Variants in CNDP1 observed in about 807,000 individuals in gnomAD.
CNDP1 encodes beta-Ala-His dipeptidase.
A neutral mutation model predicts 58.1 loss-of-function variants in CNDP1; 44 were observed. The observed-to-expected ratio is 0.76, with a 90% CI of 0.60 to 0.97. CNDP1 has a LOEUF of 0.97. Among genes scored for constraint, CNDP1 ranks in the 50% least tolerant of loss-of-function variants. The probability of loss-of-function intolerance (pLI) is 0.00; values close to 1 mark genes in which losing one functional copy is unlikely to be tolerated. For synonymous variants in CNDP1, 254 were observed against 252.6 expected (o/e 1.01, Z -0.05); for missense variants, 616 against 655.1 (o/e 0.94, Z 0.65).
chr18:74,557,207 C>T (rs184393028), intron 2 of CNDP1, among the ~76,000 whole-genome samples: 2 of 151,440 alleles, frequency 1.3e-5, no homozygotes, highest in East Asian at 3.9e-4. Flanking sequence ...TGTGAGCCAC[C>T]ATGCCTGGCC....
chr18:74,576,782 G>A lies in CNDP1; in HGVS notation c.842-87G>A, dbSNP rs2144575467. On this transcript the variant is annotated intron_variant, in intron 7 of 11. Transcript: ENST00000358821. Reference sequence around the variant, plus strand: ...CAGTCAAGAGGCCTGCTGCAACCCTGAAGAGTCCTCCCACAGTCTGGCTCC... The same window carrying A: ...CAGTCAAGAGGCCTGCTGCAACCCTAAAGAGTCCTCCCACAGTCTGGCTCC... The A allele has an allele frequency of 6.1e-6, 8 of 1,302,470 alleles. 1 individual carries two copies. The South Asian group carries it at 1.2e-4, about 20-fold the overall frequency. 80.7% of individuals were successfully genotyped at this position (1,302,470 alleles called of 1,614,324 possible). A position where few individuals can be genotyped will look rare whatever the true frequency, so the allele number is the denominator to read the frequency against.
intron 1 of CNDP1, among the ~76,000 whole-genome samples, chr18:74,551,249 G>A (rs1174408503): frequency 6.7e-6 from 1 of 150,226 alleles, no homozygotes; most frequent in African/African-American, 2.4e-5. Flanking sequence ...GCAGAACTGT[G>A]AGCCAATTAA....
chr18:74,569,735 G>T (rs2144664037), intron 6 of CNDP1, among the ~76,000 whole-genome samples: 1 of 152,266 alleles, frequency 6.6e-6, no homozygotes, highest in South Asian at 2.1e-4. Flanking sequence ...ATTCTCCTTA[G>T]TGCCTCCCAT....
At chr18:74,584,148 T>C (rs1266354676) in intron 11 of CNDP1, 4 of 332,310 alleles carry the variant, frequency 1.2e-5, no homozygotes, top group Admixed American at 4.4e-5. Flanking sequence ...CTATTAGGAA[T>C]GTTTGCTTTA....
At chr18:74,583,084 G>A (rs768710830) in intron 10 of CNDP1, among the ~76,000 whole-genome samples, 4 of 152,240 alleles carry the variant, frequency 2.6e-5, no homozygotes, top group South Asian at 2.1e-4. Flanking sequence ...TCGGCTCACC[G>A]CAACCTCCAT....
intron 10 of CNDP1, among the ~76,000 whole-genome samples, chr18:74,583,255 C>A (rs1981831032): frequency 6.6e-6 from 1 of 152,162 alleles, no homozygotes; most frequent in Admixed American, 6.5e-5. Flanking sequence ...GATCCGCACA[C>A]CTCAGCCTCC....
Position 74,571,252 on chromosome 18 carries a change from G to A in CNDP1, c.823G>A (p.Asp275Asn). Residue 275 changes from aspartate to asparagine, a missense_variant, in exon 7 of 12, where the codon GAT (aspartate) becomes AAT (asparagine). Coordinates refer to ENST00000358821, the MANE Select transcript of CNDP1 (RefSeq NM_032649.6). ...TGGCATCCTTCATGAACCAATGGCTGATCTGGTTGCTCTTCTCGGTAATGC... is the reference window on the plus strand; with the variant it reads ...TGGCATCCTTCATGAACCAATGGCTAATCTGGTTGCTCTTCTCGGTAATGC... The part of the protein sequence containing the change: ...FGGILHEPMA[D>N]LVALLGSLVD... 2 of 1,612,098 alleles carry A rather than the reference G, an allele frequency of 1.2e-6. No individual in the cohort carries two copies. Among genetic ancestry groups the A allele is most frequent in the Middle Eastern group, 1.7e-4 (1 of 6,058 alleles).
intron 7 of CNDP1, among the ~76,000 whole-genome samples, chr18:74,573,912 C>G (rs1981563318): frequency 6.7e-6 from 1 of 149,206 alleles, no homozygotes; most frequent in Admixed American, 6.7e-5. Flanking sequence ...ATCCACAGCA[C>G]AGTAATTTCT....
At position 74,583,588 on chromosome 18, in the gene CNDP1, G is replaced by A. The variant is rs1599105159; in HGVS notation, c.1337G>A (p.Arg446Gln). 3.7e-6 allele frequency: 6 copies of A among 1,614,002 alleles called. No individual in the cohort carries two copies. The highest frequency in any genetic ancestry group is 3.3e-5 in the Admixed American group (2 of 59,988). Residue 446 changes from arginine (R) to glutamine (Q), a missense_variant, in exon 11 of 12, where the codon CGG becomes CAG. Transcript: ENST00000358821. ...TVFGTEPDMI[R>Q]DGSTIPIAKM... ...TTTGGAACAGAACCAGATATGATCC[G>A]GGATGGATCCACCATTCCAATTGCC...
chr18:74,577,484 C>T (rs1981662955), intron 8 of CNDP1: 1 of 153,366 alleles, frequency 6.5e-6, no homozygotes, highest in African/African-American at 2.4e-5. Context: ...ACTAAGTAAA[C>T]ACAAAGCTGA....
At chr18:74,538,386 A>G (rs931663727) in intron 1 of CNDP1, among the ~76,000 whole-genome samples, 2 of 152,242 alleles carry the variant, frequency 1.3e-5, no homozygotes, top group Admixed American at 6.5e-5. Context: ...TCATGGCCAA[A>G]TAATACTCCA....
intron 1 of CNDP1, among the ~76,000 whole-genome samples, chr18:74,538,307 T>A (rs983709859): frequency 2.0e-5 from 3 of 152,254 alleles, no homozygotes; most frequent in Admixed American, 6.5e-5. Flanking sequence ...TGTGACTGGC[T>A]TCTTTCACTT....
In CNDP1 at chr18:74,575,861, G is replaced by GTGTGTGTGTA. The variant is rs1300642140; in HGVS notation, c.842-1007_842-1006insGTGTGTGTAT. 3.6e-5 allele frequency among the ~76,000 whole-genome samples: 5 copies of GTGTGTGTGTA among 138,506 alleles called. No individual in the cohort carries two copies. In the East Asian group the frequency reaches 6.6e-4, roughly 18 times the overall value. 90.9% of individuals were successfully genotyped at this position (138,506 alleles called of 152,430 possible). A position where few individuals can be genotyped will look rare whatever the true frequency, so the allele number is the denominator to read the frequency against. ...TGTGTGTGTGTGTGTGTGTGTGTGT[G>GTGTGTGTGTA]TATACATTTTTTTTTTTTTTTTTTT... On this transcript the variant is annotated intron_variant, in intron 7 of 11. Coordinates refer to ENST00000358821, the MANE Select transcript of CNDP1 (RefSeq NM_032649.6).
chr18:74,535,378 C>G (rs1485941444), intron 1 of CNDP1, among the ~76,000 whole-genome samples: 1 of 152,202 alleles, frequency 6.6e-6, no homozygotes, highest in East Asian at 1.9e-4. Flanking sequence ...AGAAGACTCT[C>G]AAAAGACATA....
chr18:74,556,271 T>C, intron 1 of CNDP1, 67 bp from the exon 2 acceptor site: 2 of 1,555,874 alleles, frequency 1.3e-6, no homozygotes, highest in Non-Finnish European at 1.7e-6. Context: ...TTGAGGAATT[T>C]GGAAGGTCCG....
rs1981918431 is a variant in CNDP1, at chr18:74,586,551, G to C, written c.*1989G>C. ...AGTTACCCAACAATATGTATTCGCT[G>C]ATCTTCATTCCTGCTGAATCTGAGA... On this transcript the variant is annotated 3_prime_UTR_variant, in exon 12 of 12. Coordinates refer to ENST00000358821, the MANE Select transcript of CNDP1 (RefSeq NM_032649.6). The C allele has an allele frequency of 6.6e-6, 1 of 152,208 alleles. No homozygotes were observed. The highest frequency in any genetic ancestry group is 6.5e-5 in the Admixed American group (1 of 15,278). The allele number at this position is 152,208 out of a possible 1,614,324, so 9.4% of individuals were successfully genotyped here.
intron 1 of CNDP1, among the ~76,000 whole-genome samples, chr18:74,539,429 G>T (rs1156277886): frequency 6.6e-6 from 1 of 152,186 alleles, no homozygotes; most frequent in Non-Finnish European, 1.5e-5. Flanking sequence ...AGCTCCCGGA[G>T]GCTTCCTCAT....
At chr18:74,565,492 T>C (rs1981303727) in intron 5 of CNDP1, among the ~76,000 whole-genome samples, 1 of 152,190 alleles carries the variant, frequency 6.6e-6, no homozygotes, top group African/African-American at 2.4e-5. Flanking sequence ...GTACAGGTGT[T>C]GGGTAAATAT....
At chr18:74,560,010 CT>C (rs398033526) in intron 3 of CNDP1, among the ~76,000 whole-genome samples, 45 of 121,306 alleles carry the variant, frequency 3.7e-4, no homozygotes, top group Middle Eastern at 5.1e-3. Flanking sequence ...CATCTGCATT[CT>C]TTTTTTTTTT....
Sources: gnomAD v4.1 joint callset for allele counts (sites outside exome capture counted in the v4.1 genomes callset) on GRCh38, gnomAD v4.1.1 for gene constraint, MANE v1.5 for transcripts, NCBI Gene and HGNC (gene_info 2026-07-23, HGNC 2026-07-21) for gene names.